DPP9: variants seen among roughly 807,000 people sequenced by gnomAD.
DPP9 encodes dipeptidyl peptidase 9, also known as dipeptidyl peptidase IV-related protein-2.
In DPP9, 50 loss-of-function variants were observed where a neutral mutation model predicts 110.7. The ratio of observed to expected loss-of-function variants is 0.45; its 90% CI spans 0.36 to 0.57. DPP9 has a LOEUF of 0.57. Among genes scored for constraint, DPP9 ranks in the 20% least tolerant of loss-of-function variants. DPP9 has a pLI of 0.00. For synonymous variants in DPP9, 561 were observed against 514.4 expected (o/e 1.09, Z -1.23); for missense variants, 1,022 against 1,217.9 (o/e 0.84, Z 2.39).
rs201789340 is a variant in DPP9 at position 4,694,840 on chromosome 19, T to A, written c.1354-17A>T. ...GTCATGAACCTGTCCGGAAAGCAGA[T>A]AGAAGATGCGTCAGAAGGTGTGGGT... On this transcript the variant is annotated splice_polypyrimidine_tract_variant and intron_variant, in intron 12 of 21. Transcript: ENST00000262960. The surrounding 1 kb of genome is among the most constrained non-coding windows in gnomAD (Gnocchi z 4.0). 1.9e-6 allele frequency: 3 copies of A among 1,612,954 alleles called. No individual in the cohort carries two copies. Among genetic ancestry groups the A allele is most frequent in the Admixed American group, 3.3e-5 (2 of 59,966 alleles).
rs1444853087 is a variant in DPP9 at position 4,683,130 on chromosome 19, G to T, written c.2332-292C>A. 5 of 1,468,288 alleles carry T rather than the reference G, an allele frequency of 3.4e-6. No homozygotes were observed. In the African/African-American group the frequency reaches 7.2e-5, roughly 21 times the overall value. 91.0% of individuals were successfully genotyped at this position (1,468,288 alleles called of 1,614,324 possible). A position where few individuals can be genotyped will look rare whatever the true frequency, so the allele number is the denominator to read the frequency against. ...TCCTCCTCCTCATCGCCGCCGCCCC[G>T]CAGTGCCCTGACTGCCGCCGGCCTG... is the stretch of plus-strand genomic sequence containing the variant. On this transcript the variant is annotated intron_variant, in intron 19 of 21. Coordinates refer to ENST00000262960, the MANE Select transcript of DPP9 (RefSeq NM_139159.5).
In DPP9 at chr19:4,718,455, A is replaced by T. The variant is rs558602295; in HGVS notation, c.56+1396T>A. On this transcript the variant is annotated intron_variant, in intron 3 of 21. Transcript: ENST00000262960. The surrounding 1 kb of genome is among the most constrained non-coding windows in gnomAD (Gnocchi z 4.3). ...GGGTGGTGAGGACAGGGTCCTACCC[A>T]TGCGCTGGATGGGGAAATGCCTCAA... 6.6e-6 allele frequency among the ~76,000 whole-genome samples: 1 copy of T among 152,328 alleles called. No individual in the cohort carries two copies. Among genetic ancestry groups the T allele is most frequent in the East Asian group, 1.9e-4 (1 of 5,172 alleles).
In DPP9 at chr19:4,685,519, CG is replaced by C; in HGVS notation, c.2031+106del. The C allele has an allele frequency of 7.8e-7, 1 of 1,276,298 alleles. No homozygotes were observed. Among genetic ancestry groups the C allele is most frequent in the Non-Finnish European group, 1.1e-6 (1 of 921,826 alleles). 79.1% of individuals were successfully genotyped at this position (1,276,298 alleles called of 1,614,324 possible). A position where few individuals can be genotyped will look rare whatever the true frequency, so the allele number is the denominator to read the frequency against. On this transcript the variant is annotated intron_variant, in intron 17 of 21. Coordinates refer to ENST00000262960, the MANE Select transcript of DPP9 (RefSeq NM_139159.5). The surrounding 1 kb of genome is among the most constrained non-coding windows in gnomAD (Gnocchi z 5.8). ...TGGGCTGGGGCACCAGGCAGGTAGC[CG>C]GGGAGCCTCCTCTGGTTGACTGTTC...
chr19:4,682,812 G>A lies in DPP9; in HGVS notation c.2358C>T (p.Thr786=), dbSNP rs561934312. 5.0e-6 allele frequency: 8 copies of A among 1,591,954 alleles called. No individual in the cohort carries two copies. The highest frequency in any genetic ancestry group is 2.3e-5 in the East Asian group (1 of 43,710). Residue 786 remains threonine, a synonymous_variant, in exon 20 of 22, where the codon ACC becomes ACT. Coordinates refer to ENST00000262960, the MANE Select transcript of DPP9 (RefSeq NM_139159.5). This position sits in a 1 kb window ranked among gnomAD's most constrained non-coding sequence, Gnocchi z 7.1. The stretch of plus-strand genomic sequence containing the variant: ...ACCCTGTGTCGTAGGCCATCCAGAC[G>A]GTGACCGGGGCACCCGCGATGGCCA... The part of the protein sequence containing the change: ...FKVAIAGAPV[T]VWMAYDTGYT...
Position 4,684,542 on chromosome 19 carries a change from C to A in DPP9, c.2178+121G>T. 8.3e-7 allele frequency: 1 copy of A among 1,202,830 alleles called. No homozygotes were observed. 74.5% of individuals were successfully genotyped at this position (1,202,830 alleles called of 1,614,324 possible). On this transcript the variant is annotated intron_variant, in intron 18 of 21. Transcript: ENST00000262960. This position sits in a 1 kb window ranked among gnomAD's most constrained non-coding sequence, Gnocchi z 4.8. Reference sequence around the variant, plus strand: ...GCGCCTCATTGAGCCTGCGTCACCCCAGCCAGAAGTGCCCTTCTGCGGGTG... The same window carrying A: ...GCGCCTCATTGAGCCTGCGTCACCCAAGCCAGAAGTGCCCTTCTGCGGGTG...
rs543890972 is a variant in DPP9, at chr19:4,719,546, G to A, written c.56+305C>T. The A allele has an allele frequency of 4.6e-4, 206 of 452,676 alleles. 1 individual carries two copies. Among genetic ancestry groups the A allele is most frequent in the South Asian group, 4.5e-3 (188 of 41,344 alleles). The allele number at this position is 452,676 out of a possible 1,614,324, so 28.0% of individuals were successfully genotyped here. A position where few individuals can be genotyped will look rare whatever the true frequency, so the allele number is the denominator to read the frequency against. The stretch of plus-strand genomic sequence containing the variant: ...GTGACATCTGGAGACATCTGTGGTT[G>A]TCTCAACTGAGGGGAGCTCCTGGCA... On this transcript the variant is annotated intron_variant, in intron 3 of 21. Transcript: ENST00000262960.
chr19:4,682,967 C>A lies in DPP9; in HGVS notation c.2332-129G>T. On this transcript the variant is annotated intron_variant, in intron 19 of 21. Transcript: ENST00000262960. The surrounding 1 kb of genome is among the most constrained non-coding windows in gnomAD (Gnocchi z 7.1). ...TGAGGAGCGCTCATGCACATGGGGC[C>A]GGCAAGGAAGGGGCCCTCAGACCGC... 6.5e-7 allele frequency: 1 copy of A among 1,533,232 alleles called. No individual in the cohort carries two copies. Among genetic ancestry groups the A allele is most frequent in the East Asian group, 2.4e-5 (1 of 40,826 alleles). 95.0% of individuals were successfully genotyped at this position (1,533,232 alleles called of 1,614,324 possible).
At chr19:4,716,398 G>A (rs901781499) in intron 3 of DPP9, among the ~76,000 whole-genome samples, 1 of 152,168 alleles carries the variant, frequency 6.6e-6, no homozygotes, top group African/African-American at 2.4e-5. Context: ...AGCACTTCGG[G>A]AGGCCAAGGC....
Position 4,695,809 on chromosome 19 carries a change from AGCG to A in DPP9, c.1176-257_1176-255del, listed in dbSNP as rs145269119. On this transcript the variant is annotated intron_variant, in intron 11 of 21. Coordinates refer to ENST00000262960, the MANE Select transcript of DPP9 (RefSeq NM_139159.5). This position sits in a 1 kb window ranked among gnomAD's most constrained non-coding sequence, Gnocchi z 4.7. ...CCGGAAACAATGGCCTAAGTCTCAC[AGCG>A]GCAAGCTCTAATAGTTTCTCCTCTT... Among the ~76,000 whole-genome samples the A allele has an allele frequency of 0.016, 2,435 of 152,332 alleles. 54 individuals are homozygous for A. The highest frequency in any genetic ancestry group is 0.056 in the African/African-American group (2,325 of 41,570).
rs771409482 is a variant in DPP9, at chr19:4,688,872, G to A, written c.1770C>T (p.Ser590=). Residue 590 remains serine, a synonymous_variant, in exon 16 of 22, where the codon AGC becomes AGT. Coordinates refer to ENST00000262960, the MANE Select transcript of DPP9 (RefSeq NM_139159.5). ...GCGGCGTGCTCACGCTGCTGTAGTG[G>A]CTGACGAACATGTCGAAGTTCTGGG... ...SMSQNFDMFV[S]HYSSVSTPPC... 1 of 1,523,156 alleles carries A rather than the reference G, an allele frequency of 6.6e-7. No individual in the cohort carries two copies. The highest frequency in any genetic ancestry group is 2.5e-5 in the Admixed American group (1 of 40,632). The allele number at this position is 1,523,156 out of a possible 1,614,324, so 94.4% of individuals were successfully genotyped here.
chr19:4,722,183 C>A (rs2093352226), intron 2 of DPP9: 1 of 343,636 alleles, frequency 2.9e-6, no homozygotes, highest in Non-Finnish European at 5.3e-6. Context: ...AGAATCCACA[C>A]CATTTACTGA....
At chr19:4,712,420 C>T (rs1050698098) in intron 4 of DPP9, among the ~76,000 whole-genome samples, 9 of 152,002 alleles carry the variant, frequency 5.9e-5, no homozygotes, top group South Asian at 2.1e-4. Context: ...CATGGTGGCA[C>T]GTGCCTATAG....
At chr19:4,714,468 A>C in intron 3 of DPP9, 131 bp from the exon 4 acceptor site, 1 of 1,218,828 alleles carries the variant, frequency 8.2e-7, no homozygotes, top group Middle Eastern at 2.4e-4. Context: ...CCACTCCCTA[A>C]ACACTTCTTG....
chr19:4,696,015 C>T (rs1270001999), intron 11 of DPP9, among the ~76,000 whole-genome samples: 1 of 152,118 alleles, frequency 6.6e-6, no homozygotes, highest in Non-Finnish European at 1.5e-5. Flanking sequence ...ATTCTCCTGC[C>T]TCAGCCTCCT....
At position 4,682,748 on chromosome 19, in the gene DPP9, G is replaced by A; in HGVS notation, c.2422C>T (p.His808Tyr). ...GCCACGGAACCCGCCTCATAGCCGT[G>A]CTGGTTGTTCTCAGGGACGTCCATG... ...RYMDVPENNQ[H>Y]GYEAGSVALH... The change falls in exon 20 of 22, where the codon CAC becomes TAC. Residue 808 changes from histidine (H) to tyrosine (Y), a missense_variant. Physicochemically the swap from His to Tyr is moderately conservative, Grantham distance 83. Transcript: ENST00000262960. This position sits in a 1 kb window ranked among gnomAD's most constrained non-coding sequence, Gnocchi z 7.1. 6.2e-7 allele frequency: 1 copy of A among 1,608,280 alleles called. No homozygotes were observed. The highest frequency in any genetic ancestry group is 8.5e-7 in the Non-Finnish European group (1 of 1,177,614).
intron 20 of DPP9, 122 bp from the exon 21 acceptor site, chr19:4,680,068 A>T: frequency 3.1e-6 from 2 of 653,390 alleles, no homozygotes; most frequent in Non-Finnish European, 5.3e-6. Flanking sequence ...TGTCTCTACT[A>T]AAAATATATT....
rs568965949 is a variant in DPP9 at position 4,718,757 on chromosome 19, A to G, written c.56+1094T>C. On this transcript the variant is annotated intron_variant, in intron 3 of 21. Coordinates refer to ENST00000262960, the MANE Select transcript of DPP9 (RefSeq NM_139159.5). This position sits in a 1 kb window ranked among gnomAD's most constrained non-coding sequence, Gnocchi z 4.3. Reference sequence around the variant, plus strand: ...CTGGGACCACCCGGTTTTAGAGCCCATGGCTGGGCCAATCATAGCCCTTCA... The same window carrying G: ...CTGGGACCACCCGGTTTTAGAGCCCGTGGCTGGGCCAATCATAGCCCTTCA... Among the ~76,000 whole-genome samples, 15 of 152,306 alleles carry G rather than the reference A, an allele frequency of 9.8e-5. No individual in the cohort carries two copies. The highest frequency in any genetic ancestry group is 8.5e-4 in the Admixed American group (13 of 15,302).
chr19:4,690,312 C>T (rs2091197673), intron 14 of DPP9, among the ~76,000 whole-genome samples: 1 of 152,210 alleles, frequency 6.6e-6, no homozygotes, highest in Admixed American at 6.5e-5. Flanking sequence ...TTGGCTGATG[C>T]CTGGAAAGGA....
In DPP9 at chr19:4,698,930, G is replaced by A. The variant is rs541997742; in HGVS notation, c.1075-1279C>T. On this transcript the variant is annotated intron_variant, in intron 10 of 21. Transcript: ENST00000262960. This position sits in a 1 kb window ranked among gnomAD's most constrained non-coding sequence, Gnocchi z 4.2. ...TCCCAACACTTTGGGAGGCCGAGGCGGGCGGATCACGAGGTCAGGAGATTG... is the reference window on the plus strand; with the variant it reads ...TCCCAACACTTTGGGAGGCCGAGGCAGGCGGATCACGAGGTCAGGAGATTG... 5.3e-5 allele frequency among the ~76,000 whole-genome samples: 8 copies of A among 152,104 alleles called. No homozygotes were observed. In the East Asian group the frequency reaches 5.8e-4, roughly 11 times the overall value.
Sources: allele counts gnomAD v4.1 joint callset (sites outside exome capture counted in the v4.1 genomes callset), GRCh38; gene constraint gnomAD v4.1.1; non-coding constraint Gnocchi (gnomAD v3.1); transcripts MANE v1.5; gene names NCBI Gene and HGNC (gene_info 2026-07-23, HGNC 2026-07-21).